The following ABCC4 variants were observed in gnomAD, a reference collection of about 807,000 sequenced individuals.
ABCC4 encodes ATP-binding cassette sub-family C member 4.
A neutral mutation model predicts 168.5 loss-of-function variants in ABCC4; 102 were observed. The ratio of observed to expected loss-of-function variants is 0.61; its 90% confidence interval spans 0.52 to 0.71. The LOEUF is 0.71. Among genes scored for constraint, ABCC4 ranks in the 30% least tolerant of loss-of-function variants. The probability of loss-of-function intolerance (pLI) is 0.00; values close to 1 mark genes in which losing one functional copy is unlikely to be tolerated. For missense variants in ABCC4, 1,402 were observed against 1,605.8 expected, an observed-to-expected ratio of 0.87 and a Z score of 2.17; for synonymous variants, 617 against 590.7, an observed-to-expected ratio of 1.04 and a Z score of -0.65.
At chr13:95,047,772 T>G (rs994317380) in intron 27 of ABCC4, among the ~76,000 whole-genome samples, 1 of 152,170 alleles carries the variant, frequency 6.6e-6, no homozygotes. Flanking sequence ...CGTGAGCCAC[T>G]ACGCCCAGCC....
intron 5 of ABCC4, among the ~76,000 whole-genome samples, 158 bp from the exon 6 acceptor site, chr13:95,209,755 C>G (rs3818490): frequency 0.058 from 8,891 of 152,322 alleles, 345 homozygotes; most frequent in East Asian, 0.17. Flanking sequence ...CAAGCACCCA[C>G]CACAGGTGAA....
rs777295262 is a variant in ABCC4 at position 95,083,309 on chromosome 13, A to G, written c.2536-19T>C. On this transcript the variant is annotated intron_variant, in intron 20 of 30. Coordinates refer to ENST00000645237, the MANE Select transcript of ABCC4 (RefSeq NM_005845.5). ...GCAATGTCTGAAATAGCAGAAGTAG[A>G]TGCAGGTTTTCCTTATCAAGTATTC... 6.2e-7 allele frequency: 1 copy of G among 1,611,092 alleles called. No homozygotes were observed. The highest frequency in any genetic ancestry group is 8.5e-7 in the Non-Finnish European group (1 of 1,178,990).
chr13:95,107,379 G>GT (rs1002639899), intron 20 of ABCC4, among the ~76,000 whole-genome samples: 15 of 152,112 alleles, frequency 9.9e-5, no homozygotes, highest in Non-Finnish European at 1.9e-4. Flanking sequence ...TACTGTATAT[G>GT]TTTATAGTAT....
In ABCC4 at chr13:95,021,634, C is replaced by T. The variant is rs764451452; in HGVS notation, c.3919G>A (p.Val1307Ile). ...GGCTGTCCATTGGAAGTGTTTGTAA[C>T]CATGTGGTCAGTGTGACCAATATGT... is the stretch of plus-strand genomic sequence containing the variant. The part of the protein sequence containing the change: ...YPHIGHTDHM[V>I]TNTSNGQPST... The change falls in exon 31 of 31, where the codon GTT (valine) becomes ATT (isoleucine). Residue 1307 changes from valine to isoleucine, a missense_variant. Around this residue, in one of 3 missense-constraint regions of ABCC4, gnomAD observed 1,007 missense variants for 1,127.3 expected, o/e 0.89. Coordinates refer to ENST00000645237, the MANE Select transcript of ABCC4 (RefSeq NM_005845.5). 1.1e-5 allele frequency: 17 copies of T among 1,613,078 alleles called. No individual in the cohort carries two copies. In the South Asian group the frequency reaches 1.5e-4, roughly 15 times the overall value.
intron 1 of ABCC4, among the ~76,000 whole-genome samples, chr13:95,290,127 G>A (rs2041358171): frequency 6.6e-6 from 1 of 151,616 alleles, no homozygotes; most frequent in African/African-American, 2.4e-5. Context: ...TAGATAGATA[G>A]ATAGATAGAT....
At chr13:95,082,991 A>C in intron 21 of ABCC4, 149 bp downstream of exon 21, 1 of 886,050 alleles carries the variant, frequency 1.1e-6, no homozygotes, top group South Asian at 1.8e-5. Context: ...AAGGGACACA[A>C]TGATTCATAA....
intron 13 of ABCC4, among the ~76,000 whole-genome samples, chr13:95,175,855 C>A (rs1434055108): frequency 6.6e-6 from 1 of 152,196 alleles, no homozygotes; most frequent in East Asian, 1.9e-4. Context: ...GGAAGCCCCC[C>A]AGCCTGTGGC....
intron 19 of ABCC4, among the ~76,000 whole-genome samples, chr13:95,144,721 T>C (rs947197919): frequency 6.6e-6 from 1 of 151,552 alleles, no homozygotes; most frequent in African/African-American, 2.4e-5. Flanking sequence ...AAAACATGGC[T>C]GAAAAAAAAT....
intron 26 of ABCC4, among the ~76,000 whole-genome samples, chr13:95,054,432 C>T (rs1045447825): frequency 2.1e-4 from 32 of 151,758 alleles, no homozygotes; most frequent in African/African-American, 7.3e-4. Context: ...CCTGTAGTCC[C>T]AGCTACTTGG....
chr13:95,208,055 C>A, intron 6 of ABCC4, 130 bp from the exon 7 acceptor site: 2 of 929,752 alleles, frequency 2.2e-6, no homozygotes, highest in South Asian at 3.8e-5. Context: ...ACAGACAGGT[C>A]CTACTCAAAA....
At chr13:95,050,731 T>G (rs1401530611) in intron 27 of ABCC4, among the ~76,000 whole-genome samples, 2 of 152,168 alleles carry the variant, frequency 1.3e-5, no homozygotes, top group Non-Finnish European at 2.9e-5. Flanking sequence ...TTTCTAGAAT[T>G]CTTGAGAGGC....
chr13:95,169,203 A>G (rs1476830867), intron 14 of ABCC4, among the ~76,000 whole-genome samples: 2 of 152,180 alleles, frequency 1.3e-5, no homozygotes, highest in Non-Finnish European at 2.9e-5. Context: ...ACAGTGAGAC[A>G]ATACATTTCT....
chr13:95,226,530 G>A (rs186277238), intron 4 of ABCC4, among the ~76,000 whole-genome samples: 60 of 152,210 alleles, frequency 3.9e-4, no homozygotes, highest in African/African-American at 1.4e-3. Context: ...TCAACAAGTT[G>A]TTATCAGGAA....
At chr13:95,060,995 T>C (rs115085493) in intron 26 of ABCC4, among the ~76,000 whole-genome samples, 463 of 152,344 alleles carry the variant, frequency 3.0e-3, no homozygotes, top group African/African-American at 0.011. Flanking sequence ...GGGAACCATC[T>C]AGTGTCTGTC....
At position 95,217,109 on chromosome 13, in the gene ABCC4, T is replaced by A. The variant is rs145725965; in HGVS notation, c.532-6328A>T. On this transcript the variant is annotated intron_variant, in intron 4 of 30. Transcript: ENST00000645237. ...AGGGCACCATTTGATAGCTGCTTAC[T>A]ACTGAAGGCAGGCAAGGAAATACAT... Among the ~76,000 whole-genome samples the A allele has an allele frequency of 4.9e-3, 739 of 152,346 alleles. 6 individuals are homozygous for A. Among genetic ancestry groups the A allele is most frequent in the African/African-American group, 0.017 (692 of 41,572 alleles).
At chr13:95,152,012 G>A (rs1311601037) in intron 19 of ABCC4, among the ~76,000 whole-genome samples, 1 of 152,124 alleles carries the variant, frequency 6.6e-6, no homozygotes, top group East Asian at 1.9e-4. Context: ...AGTACCAGAC[G>A]CTTAACCCAC....
chr13:95,178,171 T>C (rs2139596968), intron 11 of ABCC4, 80 bp from the exon 12 acceptor site: 1 of 1,306,024 alleles, frequency 7.7e-7, no homozygotes, highest in Non-Finnish European at 1.1e-6. Context: ...CTTCCAAAGT[T>C]ATCCTAAACT....
chr13:95,140,243 C>A (rs934837934), intron 19 of ABCC4, among the ~76,000 whole-genome samples: 1 of 152,210 alleles, frequency 6.6e-6, no homozygotes, highest in Non-Finnish European at 1.5e-5. Context: ...TATCCCCAGT[C>A]TCTGTATTCC....
intron 1 of ABCC4, among the ~76,000 whole-genome samples, chr13:95,250,403 C>CAAGT (rs2040223576): frequency 6.6e-6 from 1 of 152,156 alleles, no homozygotes; most frequent in Non-Finnish European, 1.5e-5. Context: ...TATTTGGAAT[C>CAAGT]CCCATTATGC....
Sources: gnomAD v4.1 joint callset for allele counts (sites outside exome capture counted in the v4.1 genomes callset) on GRCh38, gnomAD v4.1.1 for gene constraint, gnomAD v4.1.1 regional missense constraint, MANE v1.5 for transcripts, NCBI Gene and HGNC (gene_info 2026-07-23, HGNC 2026-07-21) for gene names.